PCDHA6: variants seen among roughly 807,000 people sequenced by gnomAD.
The protein encoded by PCDHA6 is protocadherin alpha-6.
PCDHA6 carries 55 observed loss-of-function variants against 60.3 expected under a neutral mutation model. The observed-to-expected ratio is 0.91, with a 90% CI of 0.73 to 1.14. The LOEUF (loss-of-function observed/expected upper bound fraction) is 1.14. Among genes scored for constraint, PCDHA6 ranks in the 50% most tolerant of loss-of-function variants. The probability of loss-of-function intolerance (pLI) is 0.00; values close to 1 mark genes in which losing one functional copy is unlikely to be tolerated. For synonymous variants in PCDHA6, 652 were observed against 557.9 expected, an observed-to-expected ratio of 1.17 and a Z score of -2.38; for missense variants, 1,327 against 1,256.5, an observed-to-expected ratio of 1.06 and a Z score of -0.85.
rs2150340110 is a variant in PCDHA6, at chr5:140,842,596, A to G, written c.2394+12111A>G. On this transcript the variant is annotated intron_variant, in intron 1 of 3. Coordinates refer to ENST00000529310, the MANE Select transcript of PCDHA6 (RefSeq NM_018909.4). ...GAGTGTCGGCCTATGAGTTGGTGGTAACCGCGCGGGACGGGGGCTCGCCTT... is the reference window on the plus strand; with the variant it reads ...GAGTGTCGGCCTATGAGTTGGTGGTGACCGCGCGGGACGGGGGCTCGCCTT... 5.2e-6 allele frequency: 8 copies of G among 1,537,682 alleles called. 1 individual carries two copies. Among genetic ancestry groups the G allele is most frequent in the South Asian group, 3.4e-5 (3 of 88,884 alleles).
intron 1 of PCDHA6, chr5:140,883,572 T>C: frequency 6.2e-7 from 1 of 1,614,098 alleles, no homozygotes; most frequent in Non-Finnish European, 8.5e-7. Flanking sequence ...TCGCCTTCGC[T>C]GTGGGCCACG....
intron 1 of PCDHA6, chr5:140,853,500 T>C (rs2042770346): frequency 1.0e-6 from 1 of 977,532 alleles, no homozygotes; most frequent in Non-Finnish European, 1.2e-6. Flanking sequence ...GTTAGAATCA[T>C]GAAACAATAA....
chr5:140,917,058 C>T (rs1028478613), intron 1 of PCDHA6, among the ~76,000 whole-genome samples: 4 of 152,072 alleles, frequency 2.6e-5, no homozygotes, highest in Non-Finnish European at 5.9e-5. Context: ...TTCCCTGCTA[C>T]GACAGCACCG....
At chr5:140,882,556 T>C (rs367760301) in intron 1 of PCDHA6, 103 of 1,614,070 alleles carry the variant, frequency 6.4e-5, no homozygotes, top group African/African-American at 9.3e-5. Flanking sequence ...AGGAGCTGTG[T>C]GGGCGGAGCG....
chr5:140,856,203 G>GGCTGGA (rs782244369), intron 1 of PCDHA6: 1 of 1,597,978 alleles, frequency 6.3e-7, no homozygotes, highest in African/African-American at 1.3e-5. Context: ...CAGGACCTGG[G>GGCTGGA]GCTGGAGCTG....
chr5:140,897,289 C>T (rs1027792864), intron 1 of PCDHA6, among the ~76,000 whole-genome samples: 2 of 150,912 alleles, frequency 1.3e-5, no homozygotes, highest in Non-Finnish European at 3.0e-5. Flanking sequence ...CCCATTAACT[C>T]GTCATTTAGC....
chr5:140,993,631 G>C (rs1466996708), intron 3 of PCDHA6, among the ~76,000 whole-genome samples: 1 of 152,046 alleles, frequency 6.6e-6, no homozygotes, highest in African/African-American at 2.4e-5. Context: ...ATATATAGTC[G>C]TGTACCAAAT....
At chr5:141,001,997 CA>C (rs1587968703) in intron 3 of PCDHA6, among the ~76,000 whole-genome samples, 1 of 152,190 alleles carries the variant, frequency 6.6e-6, no homozygotes, top group Admixed American at 6.5e-5. Flanking sequence ...AGTTCACTTG[CA>C]AACACAGAAT....
At chr5:140,966,697 G>T (rs2096039921) in intron 1 of PCDHA6, 1 of 1,363,184 alleles carries the variant, frequency 7.3e-7, no homozygotes, top group Admixed American at 3.6e-5. Context: ...GCGGGGCCCG[G>T]GCGTGGGGCA....
chr5:140,922,939 T>C (rs1206981483), intron 1 of PCDHA6, among the ~76,000 whole-genome samples: 1 of 152,172 alleles, frequency 6.6e-6, no homozygotes, highest in Non-Finnish European at 1.5e-5. Flanking sequence ...CTTCCAGCAA[T>C]GGAAATCCAG....
chr5:140,886,841 A>AG (rs1432829346), intron 1 of PCDHA6, among the ~76,000 whole-genome samples: 1 of 151,546 alleles, frequency 6.6e-6, no homozygotes, highest in Non-Finnish European at 1.5e-5. Flanking sequence ...AAAAAAAAAA[A>AG]AAAAAAGAAA....
At chr5:140,940,101 G>A (rs754155361) in intron 1 of PCDHA6, among the ~76,000 whole-genome samples, 23 of 152,148 alleles carry the variant, frequency 1.5e-4, no homozygotes, top group Non-Finnish European at 3.2e-4. Flanking sequence ...AACTTTTAGC[G>A]TTATGTATTA....
At chr5:140,997,098 C>T (rs1328956245) in intron 3 of PCDHA6, among the ~76,000 whole-genome samples, 12 of 152,128 alleles carry the variant, frequency 7.9e-5, no homozygotes, top group Admixed American at 5.2e-4. Context: ...GCAGAGTTCT[C>T]ATGCACTCCT....
intron 1 of PCDHA6, among the ~76,000 whole-genome samples, chr5:140,840,023 C>T (rs1776518555): frequency 6.6e-6 from 1 of 151,996 alleles, no homozygotes; most frequent in African/African-American, 2.4e-5. Flanking sequence ...CTCATGGTCA[C>T]GTAGCGTATC....
intron 1 of PCDHA6, chr5:140,834,263 T>C (rs1772873408): frequency 9.0e-6 from 9 of 995,660 alleles, no homozygotes; most frequent in South Asian, 8.2e-5. Flanking sequence ...CGCTCCACTC[T>C]CTTTCACTCT....
chr5:140,965,283 A>G (rs1342044804), intron 1 of PCDHA6, among the ~76,000 whole-genome samples: 1 of 152,200 alleles, frequency 6.6e-6, no homozygotes, highest in Non-Finnish European at 1.5e-5. Context: ...CACAGCATGG[A>G]AAGATTTCCT....
intron 1 of PCDHA6, among the ~76,000 whole-genome samples, chr5:140,887,841 T>C (rs1024646010): frequency 2.6e-5 from 4 of 152,224 alleles, no homozygotes; most frequent in African/African-American, 7.2e-5. Context: ...ATATCTTTTA[T>C]TGACATATTT....
chr5:140,899,607 TC>T (rs1301087468), intron 1 of PCDHA6, among the ~76,000 whole-genome samples: 11 of 152,322 alleles, frequency 7.2e-5, no homozygotes, highest in African/African-American at 2.6e-4. Flanking sequence ...GACTTTTGCA[TC>T]AATGTTCATC....
chr5:141,003,654 A>G (rs1451170896), intron 3 of PCDHA6, among the ~76,000 whole-genome samples: 1 of 152,212 alleles, frequency 6.6e-6, no homozygotes, highest in Non-Finnish European at 1.5e-5. Flanking sequence ...ATCTGTATGC[A>G]TTTATTAAAA....
Sources: allele counts gnomAD v4.1 joint callset (sites outside exome capture counted in the v4.1 genomes callset), GRCh38; gene constraint gnomAD v4.1.1; transcripts MANE v1.5; gene names NCBI Gene and HGNC (gene_info 2026-07-23, HGNC 2026-07-21).